Variants in SEPTIN7 observed in about 807,000 individuals in gnomAD.
SEPTIN7 encodes septin 7.
A neutral mutation model predicts 63.3 loss-of-function variants in SEPTIN7; 10 were observed. That is an observed-to-expected ratio of 0.16 (90% CI 0.10 to 0.27). SEPTIN7 has a LOEUF of 0.27. Ranked by LOEUF, SEPTIN7 falls within the 10% of genes least tolerant of loss-of-function variation. The pLI, the probability that SEPTIN7 is intolerant of heterozygous loss-of-function variation, is 1.00. For missense variants in SEPTIN7, 310 were observed against 521.0 expected, an observed-to-expected ratio of 0.59 and a Z score of 3.94; for synonymous variants, 131 against 165.3, an observed-to-expected ratio of 0.79 and a Z score of 1.59.
At chr7:35,900,442 A>G (rs763593849) in intron 12 of SEPTIN7, 2 of 152,332 alleles carry the variant, frequency 1.3e-5, no homozygotes, top group East Asian at 1.9e-4. Context: ...TGTCTTAGCT[A>G]TTGCTGTTGT....
At chr7:35,810,924 G>A (rs893426637) in intron 1 of SEPTIN7, among the ~76,000 whole-genome samples, 2 of 151,744 alleles carry the variant, frequency 1.3e-5, no homozygotes, top group African/African-American at 2.4e-5. Flanking sequence ...ATGCCACCAC[G>A]CCTGGCTAAT....
chr7:35,824,072 TC>T (rs1203210537), intron 1 of SEPTIN7, among the ~76,000 whole-genome samples: 1 of 152,030 alleles, frequency 6.6e-6, no homozygotes, highest in Non-Finnish European at 1.5e-5. Context: ...ATCCTGTTGT[TC>T]TTCTCTTCAA....
intron 6 of SEPTIN7, among the ~76,000 whole-genome samples, chr7:35,878,198 G>A (rs1480966520): frequency 6.6e-6 from 1 of 152,042 alleles, no homozygotes. Context: ...TAGTCTCAAG[G>A]TTAGAGAAGG....
At chr7:35,872,857 C>T (rs1786238872) in intron 5 of SEPTIN7, 91 bp downstream of exon 5, 1 of 862,310 alleles carries the variant, frequency 1.2e-6, no homozygotes, top group South Asian at 1.5e-5. Flanking sequence ...AACTTCTCAT[C>T]TTAGCAAAGG....
At chr7:35,890,063 A>G (rs180728226) in intron 10 of SEPTIN7, among the ~76,000 whole-genome samples, 2 of 152,354 alleles carry the variant, frequency 1.3e-5, no homozygotes, top group East Asian at 3.8e-4. Flanking sequence ...TTATTAAATA[A>G]TGATGACATC....
intron 8 of SEPTIN7, 129 bp from the exon 9 acceptor site, chr7:35,883,762 T>G: frequency 1.9e-6 from 1 of 520,560 alleles, no homozygotes; most frequent in Non-Finnish European, 3.4e-6. Flanking sequence ...CTATAAAAAC[T>G]AATGCAGAAA....
intron 4 of SEPTIN7, among the ~76,000 whole-genome samples, chr7:35,867,738 A>C (rs1396127557): frequency 6.6e-6 from 1 of 152,194 alleles, no homozygotes; most frequent in East Asian, 1.9e-4. Context: ...TTCTTCTGAG[A>C]TTGAAGTCCA....
chr7:35,819,185 C>T (rs1208151009), intron 1 of SEPTIN7, among the ~76,000 whole-genome samples: 1 of 151,888 alleles, frequency 6.6e-6, no homozygotes, highest in Non-Finnish European at 1.5e-5. Flanking sequence ...TTCCAGTATC[C>T]CTTGTGATTT....
At chr7:35,840,621 A>G (rs1035368258) in intron 3 of SEPTIN7, among the ~76,000 whole-genome samples, 11 of 151,982 alleles carry the variant, frequency 7.2e-5, no homozygotes, top group Admixed American at 3.9e-4. Context: ...AAGATTATAT[A>G]TTAAGAAAAA....
At chr7:35,902,786 GAGATA>G (rs1264336758) in intron 12 of SEPTIN7, 1 of 240,514 alleles carries the variant, frequency 4.2e-6, no homozygotes, top group East Asian at 8.4e-5. Context: ...AAAGAAAAAC[GAGATA>G]AGATAGTAAT....
chr7:35,875,280 C>A (rs1212921172), intron 6 of SEPTIN7, among the ~76,000 whole-genome samples: 1 of 152,022 alleles, frequency 6.6e-6, no homozygotes, highest in Non-Finnish European at 1.5e-5. Context: ...TAAAAATGTA[C>A]CTTTGAACAA....
chr7:35,876,889 A>G (rs1786505491), intron 6 of SEPTIN7, among the ~76,000 whole-genome samples: 1 of 152,118 alleles, frequency 6.6e-6, no homozygotes, highest in Admixed American at 6.6e-5. Flanking sequence ...GAATTGCTTG[A>G]ACCCGGGAGG....
chr7:35,884,165 A>C (rs1413444487), intron 9 of SEPTIN7, among the ~76,000 whole-genome samples, 178 bp downstream of exon 9: 1 of 152,138 alleles, frequency 6.6e-6, no homozygotes, highest in Non-Finnish European at 1.5e-5. Context: ...GGTATTTTTC[A>C]AACCTGTATC....
intron 1 of SEPTIN7, chr7:35,812,150 AAAAC>A (rs1583489034): frequency 1.0e-5 from 2 of 191,418 alleles, no homozygotes; most frequent in Admixed American, 1.2e-4. Context: ...AAACAAAAAA[AAAAC>A]AGTTTTTAGA....
chr7:35,848,461 G>C (rs570924762), intron 3 of SEPTIN7, among the ~76,000 whole-genome samples: 1 of 151,842 alleles, frequency 6.6e-6, no homozygotes, highest in African/African-American at 2.4e-5. Context: ...TAGTAGAGAC[G>C]GGGTTTCAGC....
chr7:35,823,838 T>C (rs1562748796), intron 1 of SEPTIN7, among the ~76,000 whole-genome samples: 1 of 152,198 alleles, frequency 6.6e-6, no homozygotes, highest in Non-Finnish European at 1.5e-5. Flanking sequence ...TCTTTACTTC[T>C]TAAAATCCCC....
intron 4 of SEPTIN7, among the ~76,000 whole-genome samples, chr7:35,867,256 A>C (rs547585148): frequency 6.6e-6 from 1 of 152,340 alleles, no homozygotes; most frequent in Admixed American, 6.5e-5. Flanking sequence ...TACCCAGATT[A>C]ACAAAATTTT....
At chr7:35,833,630 C>T (rs567769600) in intron 3 of SEPTIN7, among the ~76,000 whole-genome samples, 51 of 152,044 alleles carry the variant, frequency 3.4e-4, no homozygotes, top group Admixed American at 1.5e-3. Flanking sequence ...GACTTTAGAA[C>T]CTAAGTTACG....
Sources: gnomAD v4.1 joint callset for allele counts (sites outside exome capture counted in the v4.1 genomes callset) on GRCh38, gnomAD v4.1.1 for gene constraint, MANE v1.5 for transcripts, NCBI Gene and HGNC (gene_info 2026-07-23, HGNC 2026-07-21) for gene names.